Variants in EYS observed in about 807,000 individuals in gnomAD.
The protein encoded by EYS is protein eyes shut homolog.
EYS carries 250 observed loss-of-function variants against 282.1 expected under a neutral mutation model. That is an observed-to-expected ratio of 0.89 (90% CI 0.80 to 0.98). EYS has a LOEUF of 0.98. EYS is among the 50% of genes least tolerant of loss of function. The pLI, the probability that EYS is intolerant of heterozygous loss-of-function variation, is 0.00. For synonymous variants in EYS, 1,355 were observed against 1,282.9 expected (o/e 1.06, Z -1.20); for missense variants, 4,016 against 3,709.0 (o/e 1.08, Z -2.15).
At chr6:65,236,335 G>T (rs1766921885) in intron 12 of EYS, among the ~76,000 whole-genome samples, 1 of 152,168 alleles carries the variant, frequency 6.6e-6, no homozygotes, top group Admixed American at 6.6e-5. Context: ...AAATGGGTCT[G>T]GCACGGTGGC....
At chr6:64,727,176 G>A (rs1045054630) in intron 22 of EYS, among the ~76,000 whole-genome samples, 1 of 152,094 alleles carries the variant, frequency 6.6e-6, no homozygotes, top group African/African-American at 2.4e-5. Context: ...CTATCGATAC[G>A]CTCTTTAGAA....
intron 22 of EYS, among the ~76,000 whole-genome samples, chr6:64,783,813 G>A (rs911186236): frequency 2.0e-5 from 3 of 152,038 alleles, no homozygotes; most frequent in African/African-American, 7.2e-5. Context: ...ACATTCCAAA[G>A]TATTAAATAT....
chr6:64,817,411 A>C (rs990090967), intron 21 of EYS, among the ~76,000 whole-genome samples: 3 of 152,166 alleles, frequency 2.0e-5, no homozygotes, highest in African/African-American at 7.2e-5. Context: ...TGGCAGACAA[A>C]ATGTAAATTA....
chr6:64,072,039 C>T lies in EYS; in HGVS notation c.6572-5548G>A, dbSNP rs545549119. Among the ~76,000 whole-genome samples, 7 of 151,868 alleles carry T rather than the reference C, an allele frequency of 4.6e-5. No individual in the cohort carries two copies. The South Asian group carries it at 6.2e-4, about 14-fold the overall frequency. ...AGAAGTACGTTTCCCATTAGTGCTG[C>T]GCTTCAAGCTATAGAACTTATTGAG... is the stretch of plus-strand genomic sequence containing the variant. On this transcript the variant is annotated intron_variant, in intron 32 of 42. Transcript: ENST00000503581.
intron 2 of EYS, among the ~76,000 whole-genome samples, chr6:65,530,969 T>C (rs7740699): frequency 0.75 from 113,385 of 152,024 alleles, 43,065 homozygotes; most frequent in African/African-American, 0.89. Flanking sequence ...ATAGTTAATA[T>C]AATCACTCGC....
chr6:64,388,665 T>C (rs1438867736), intron 29 of EYS, 25 bp downstream of exon 29: 1 of 1,429,912 alleles, frequency 7.0e-7, no homozygotes, highest in Non-Finnish European at 9.3e-7. Context: ...CAATAATTAA[T>C]ATTTTAAAAC....
chr6:65,489,073 A>G (rs1273889996), intron 5 of EYS, among the ~76,000 whole-genome samples: 1 of 152,188 alleles, frequency 6.6e-6, no homozygotes, highest in African/African-American at 2.4e-5. Context: ...ATGGGCAAAG[A>G]CTTCATGTCT....
At position 63,806,367 on chromosome 6, in the gene EYS, T is replaced by A; in HGVS notation, c.7234A>T (p.Asn2412Tyr). The A allele has an allele frequency of 7.8e-6, 12 of 1,533,724 alleles. No homozygotes were observed. The highest frequency in any genetic ancestry group is 9.7e-6 in the Non-Finnish European group (11 of 1,136,808). ...RSGPLCTDAINITQPRFSGTD... is the reference protein window; with the variant it reads ...RSGPLCTDAIYITQPRFSGTD... ...CCACTGAACCTTGGCTGAGTAATAT[T>A]AATAGCTGTGAAAAAACCCAAACCA... Residue 2412 changes from asparagine (N) to tyrosine (Y), a missense_variant, in exon 37 of 43, where the codon AAT becomes TAT. Coordinates refer to ENST00000503581, the MANE Select transcript of EYS (RefSeq NM_001142800.2).
chr6:65,217,414 A>G lies in EYS; in HGVS notation c.2023+78449T>C, dbSNP rs184947257. ...TACATTAGAAATTATATGATCACTTATAATAAGGTATTAAACAATGAGAAA... is the reference window on the plus strand; with the variant it reads ...TACATTAGAAATTATATGATCACTTGTAATAAGGTATTAAACAATGAGAAA... On this transcript the variant is annotated intron_variant, in intron 12 of 42. Coordinates refer to ENST00000503581, the MANE Select transcript of EYS (RefSeq NM_001142800.2). Among the ~76,000 whole-genome samples the G allele has an allele frequency of 5.7e-4, 87 of 152,204 alleles. No individual in the cohort carries two copies. In the East Asian group the frequency reaches 0.014, roughly 24 times the overall value.
At position 65,259,630 on chromosome 6, in the gene EYS, A is replaced by G. The variant is rs373463683; in HGVS notation, c.2023+36233T>C. Among the ~76,000 whole-genome samples the G allele has an allele frequency of 1.3e-4, 20 of 152,212 alleles. No homozygotes were observed. In the East Asian group the frequency reaches 3.5e-3, roughly 27 times the overall value. On this transcript the variant is annotated intron_variant, in intron 12 of 42. Transcript: ENST00000503581. ...GAAAATTATACACAAAGCCAAGATTATTGGTTTGTTTTGTTTGTTTGTTTT... is the reference window on the plus strand; with the variant it reads ...GAAAATTATACACAAAGCCAAGATTGTTGGTTTGTTTTGTTTGTTTGTTTT...
At chr6:63,763,836 TA>T (rs1469873053) in intron 40 of EYS, among the ~76,000 whole-genome samples, 1 of 147,856 alleles carries the variant, frequency 6.8e-6, no homozygotes, top group African/African-American at 2.5e-5. Context: ...GAACTTTAAA[TA>T]AATAATATTT....
chr6:65,130,516 T>C (rs1305467039), intron 12 of EYS, among the ~76,000 whole-genome samples: 1 of 151,920 alleles, frequency 6.6e-6, no homozygotes, highest in East Asian at 1.9e-4. Flanking sequence ...TGGATGGCAC[T>C]GGAGGCCATT....
At chr6:64,489,493 T>C (rs1170073514) in intron 26 of EYS, among the ~76,000 whole-genome samples, 3 of 148,436 alleles carry the variant, frequency 2.0e-5, no homozygotes, top group Non-Finnish European at 4.5e-5. Context: ...ATATTGGAAA[T>C]ATAAAAATTT....
intron 26 of EYS, among the ~76,000 whole-genome samples, chr6:64,519,158 G>A (rs1777655000): frequency 6.6e-6 from 1 of 151,690 alleles, no homozygotes; most frequent in Non-Finnish European, 1.5e-5. Context: ...GTAGGACAAG[G>A]CTAAGGAAAA....
chr6:64,758,183 T>A (rs1200340212), intron 22 of EYS, among the ~76,000 whole-genome samples: 1 of 152,112 alleles, frequency 6.6e-6, no homozygotes, highest in Non-Finnish European at 1.5e-5. Context: ...AACAGTTCAT[T>A]GATAGGGATC....
chr6:64,384,826 C>A (rs1031715485), intron 29 of EYS, among the ~76,000 whole-genome samples: 1 of 152,140 alleles, frequency 6.6e-6, no homozygotes, highest in Non-Finnish European at 1.5e-5. Context: ...TCATTCTCTT[C>A]TCACATCCTG....
At chr6:65,105,810 G>A (rs1487192397) in intron 12 of EYS, among the ~76,000 whole-genome samples, 1 of 151,892 alleles carries the variant, frequency 6.6e-6, no homozygotes, top group Non-Finnish European at 1.5e-5. Context: ...CCTGTAACTG[G>A]AGGTTAATTT....
Position 64,590,507 on chromosome 6 carries a change from A to C in EYS, c.5360T>G (p.Val1787Gly), listed in dbSNP as rs1394351212. 6.4e-7 allele frequency: 1 copy of C among 1,551,348 alleles called. No individual in the cohort carries two copies. Among genetic ancestry groups the C allele is most frequent in the Admixed American group, 2.0e-5 (1 of 50,948 alleles). The change falls in exon 26 of 43, where the codon GTC becomes GGC. Residue 1787 changes from valine (V) to glycine (G), a missense_variant. By Grantham distance (109) the Val-to-Gly change is moderately radical (BLOSUM62 -3). Coordinates refer to ENST00000503581, the MANE Select transcript of EYS (RefSeq NM_001142800.2). Reference protein sequence around the residue: ...LTGSVPDFSEVTTNVAFYTVS... With the variant: ...LTGSVPDFSEGTTNVAFYTVS... ...TGTATAAAATGCAACATTGGTGGTG[A>C]CTTCTGAAAAATCAGGCACTGAGCC...
intron 12 of EYS, among the ~76,000 whole-genome samples, chr6:65,088,384 T>C (rs1052798305): frequency 1.3e-5 from 2 of 152,154 alleles, no homozygotes; most frequent in East Asian, 3.9e-4. Context: ...GATAGTGATA[T>C]GCACAAGTTC....
Sources: gnomAD v4.1 joint callset for allele counts (sites outside exome capture counted in the v4.1 genomes callset) on GRCh38, gnomAD v4.1.1 for gene constraint, MANE v1.5 for transcripts, NCBI Gene and HGNC (gene_info 2026-07-23, HGNC 2026-07-21) for gene names.